Variants in DLGAP5 observed in about 807,000 individuals in gnomAD.
DLGAP5 encodes the protein DLG associated protein 5, also known as disks large-associated protein 5.
A neutral mutation model predicts 99.6 loss-of-function variants in DLGAP5; 90 were observed. The observed-to-expected ratio is 0.90, with a 90% CI of 0.76 to 1.08. The LOEUF is 1.08. Among genes scored for constraint, DLGAP5 ranks in the 50% least tolerant of loss-of-function variants. The pLI, the probability that DLGAP5 is intolerant of heterozygous loss-of-function variation, is 0.00. For synonymous variants in DLGAP5, 311 were observed against 321.3 expected (o/e 0.97, Z 0.34); for missense variants, 1,036 against 983.5 (o/e 1.05, Z -0.71).
intron 18 of DLGAP5, 112 bp downstream of exon 18, chr14:55,150,687 C>A: frequency 1.2e-6 from 1 of 817,592 alleles, no homozygotes; most frequent in Non-Finnish European, 1.8e-6. Flanking sequence ...AGTGAGTAAG[C>A]AAAACAATGA....
chr14:55,179,314 A>T (rs74050932), intron 7 of DLGAP5, among the ~76,000 whole-genome samples: 12,548 of 152,238 alleles, frequency 0.082, 1,389 homozygotes, highest in African/African-American at 0.25. Context: ...AAATGAATCC[A>T]AAGTCAATGC....
chr14:55,175,550 A>T, intron 9 of DLGAP5, 78 bp from the exon 10 acceptor site: 1 of 922,886 alleles, frequency 1.1e-6, no homozygotes, highest in Non-Finnish European at 1.6e-6. Flanking sequence ...AAGACATTTT[A>T]AAAATCCTTT....
intron 18 of DLGAP5, among the ~76,000 whole-genome samples, chr14:55,149,979 G>A (rs981069822): frequency 2.6e-5 from 4 of 151,656 alleles, no homozygotes; most frequent in Non-Finnish European, 5.9e-5. Flanking sequence ...CTTGAACCCA[G>A]GAGGCAGAGG....
At position 55,183,768 on chromosome 14, in the gene DLGAP5, A is replaced by T. The variant is rs745995812; in HGVS notation, c.239-15T>A. Reference sequence around the variant, plus strand: ...TTTCATTGCCCCTAGGCAGAAAAAAAACCAAAACCACACAGTATATAAAAC... The same window carrying T: ...TTTCATTGCCCCTAGGCAGAAAAAATACCAAAACCACACAGTATATAAAAC... On this transcript the variant is annotated splice_polypyrimidine_tract_variant and intron_variant, in intron 2 of 18. Transcript: ENST00000247191. 1.9e-6 allele frequency: 3 copies of T among 1,544,222 alleles called. No homozygotes were observed. In the East Asian group the frequency reaches 6.9e-5, roughly 35 times the overall value.
In DLGAP5 at chr14:55,158,567, C is replaced by T. The variant is rs766110350; in HGVS notation, c.1828G>A (p.Asp610Asn). 1.4e-5 allele frequency: 23 copies of T among 1,613,948 alleles called. 1 individual carries two copies. The highest frequency in any genetic ancestry group is 1.3e-4 in the Admixed American group (8 of 59,994). The change falls in exon 14 of 19, where the codon GAT becomes AAT. Residue 610 changes from aspartate (D) to asparagine (N), a missense_variant. Transcript: ENST00000247191. ...CTTTCAACTCTGAAAAATCCAGCAT[C>T]GAACACTATTTTATCAACTTCCTTT... Reference protein sequence around the residue: ...IPKEVDKIVFDAGFFRVESPV... With the variant: ...IPKEVDKIVFNAGFFRVESPV...
chr14:55,150,052 CA>C (rs559049001), intron 18 of DLGAP5, among the ~76,000 whole-genome samples: 15,912 of 93,216 alleles, frequency 0.17, 1,850 homozygotes, highest in African/African-American at 0.39. Flanking sequence ...AACTCTGTCT[CA>C]AAAAAAAAAA....
chr14:55,158,798 C>T, intron 13 of DLGAP5, 57 bp from the exon 14 acceptor site: 4 of 1,203,120 alleles, frequency 3.3e-6, no homozygotes, highest in Non-Finnish European at 4.8e-6. Context: ...AAGAAAAACA[C>T]ACAACAAACA....
intron 8 of DLGAP5, among the ~76,000 whole-genome samples, 159 bp downstream of exon 8, chr14:55,176,903 G>A (rs1046825185): frequency 1.5e-4 from 23 of 149,942 alleles, no homozygotes; most frequent in Admixed American, 1.3e-3. Flanking sequence ...GCGTGAACCC[G>A]GGTGGCGGAG....
chr14:55,170,866 A>G (rs1017030875), intron 10 of DLGAP5, 79 bp from the exon 11 acceptor site: 14 of 1,000,736 alleles, frequency 1.4e-5, no homozygotes, highest in Non-Finnish European at 1.7e-5. Flanking sequence ...ATCATGATAC[A>G]TAACATTAGG....
intron 12 of DLGAP5, among the ~76,000 whole-genome samples, chr14:55,169,102 G>T (rs1025655303): frequency 6.7e-6 from 1 of 148,972 alleles, no homozygotes; most frequent in Non-Finnish European, 1.5e-5. Flanking sequence ...TGTGAACCTG[G>T]GGGGCAGAGA....
chr14:55,151,904 G>T lies in DLGAP5; in HGVS notation c.2159C>A (p.Ser720Tyr). The T allele has an allele frequency of 6.2e-7, 1 of 1,613,732 alleles. No individual in the cohort carries two copies. The highest frequency in any genetic ancestry group is 8.5e-7 in the Non-Finnish European group (1 of 1,179,882). The change falls in exon 17 of 19, where the codon TCC (serine) becomes TAC (tyrosine). Residue 720 changes from serine to tyrosine, a missense_variant. Physicochemically the swap from Ser to Tyr is moderately radical, Grantham distance 144 (BLOSUM62 -2). Coordinates refer to ENST00000247191, the MANE Select transcript of DLGAP5 (RefSeq NM_014750.5). ...AAGAGGCAAACTCATTCTCTCACTG[G>T]ATAAACAATCCACCTTCAAGTCTGT... ...NKTDLKVDCLSSERMSLPLLA... is the reference protein window; with the variant it reads ...NKTDLKVDCLYSERMSLPLLA...
Position 55,188,958 on chromosome 14 carries a change from C to T in DLGAP5, c.222G>A (p.Lys74=). The T allele has an allele frequency of 1.2e-6, 2 of 1,612,920 alleles. No individual in the cohort carries two copies. The highest frequency in any genetic ancestry group is 1.7e-6 in the Non-Finnish European group (2 of 1,179,744). The stretch of plus-strand genomic sequence containing the variant: ...TTTACTTACTTGGCTTAACATTGGT[C>T]TTTTCTGGAACAAGCCCTTGAGATG... ...DETSQGLVPE[K]TNVKPRAMKT... is the part of the protein sequence containing the mutation. Residue 74 remains lysine, a synonymous_variant, in exon 2 of 19, where the codon AAG becomes AAA. Coordinates refer to ENST00000247191, the MANE Select transcript of DLGAP5 (RefSeq NM_014750.5).
rs138214529 is a variant in DLGAP5, at chr14:55,158,782, T to C, written c.1654-41A>G. On this transcript the variant is annotated intron_variant, in intron 13 of 18. Transcript: ENST00000247191. Reference sequence around the variant, plus strand: ...AACATAGTAAAGCTGCCCATTACCATCTTACAAGAAAAACACACAACAAAC... The same window carrying C: ...AACATAGTAAAGCTGCCCATTACCACCTTACAAGAAAAACACACAACAAAC... The C allele has an allele frequency of 3.8e-5, 55 of 1,447,856 alleles. No individual in the cohort carries two copies. The East Asian group carries it at 1.2e-3, about 33-fold the overall frequency. The allele number at this position is 1,447,856 out of a possible 1,614,324, so 89.7% of individuals were successfully genotyped here.
In DLGAP5 at chr14:55,175,441, A is replaced by T; in HGVS notation, c.1206T>A (p.Thr402=). 7.1e-7 allele frequency: 1 copy of T among 1,406,978 alleles called. No homozygotes were observed. The highest frequency in any genetic ancestry group is 1.2e-5 in the South Asian group (1 of 81,634). 87.2% of individuals were successfully genotyped at this position (1,406,978 alleles called of 1,614,324 possible). A position where few individuals can be genotyped will look rare whatever the true frequency, so the allele number is the denominator to read the frequency against. ...TTATTGGAAGGCCATTTAAATTTTTAGTAGTAGCTTCATTTTTATTTAAAA... is the reference window on the plus strand; with the variant it reads ...TTATTGGAAGGCCATTTAAATTTTTTGTAGTAGCTTCATTTTTATTTAAAA... ...EHVLNKNEAT[T]KNLNGLPIKE... The change falls in exon 10 of 19, where the codon ACT becomes ACA. Residue 402 remains threonine (T), a synonymous_variant. Coordinates refer to ENST00000247191, the MANE Select transcript of DLGAP5 (RefSeq NM_014750.5).
intron 7 of DLGAP5, among the ~76,000 whole-genome samples, 189 bp downstream of exon 7, chr14:55,179,440 A>C (rs1594681051): frequency 6.6e-6 from 1 of 152,218 alleles, no homozygotes. Flanking sequence ...CTACCTATAA[A>C]GCTCTGAAAA....
rs141951673 is a variant in DLGAP5 at position 55,157,907 on chromosome 14, C to A, written c.1873+615G>T. Among the ~76,000 whole-genome samples, 204 of 152,328 alleles carry A rather than the reference C, an allele frequency of 1.3e-3. 6 individuals carry two copies. The East Asian group carries it at 0.018, about 14-fold the overall frequency. Reference sequence around the variant, plus strand: ...CCTCCCAAGTAGGTGGGACTACAGGCATGTACTGCCAGGCTCGGTTAATAT... The same window carrying A: ...CCTCCCAAGTAGGTGGGACTACAGGAATGTACTGCCAGGCTCGGTTAATAT... On this transcript the variant is annotated intron_variant, in intron 14 of 18. Coordinates refer to ENST00000247191, the MANE Select transcript of DLGAP5 (RefSeq NM_014750.5).
intron 15 of DLGAP5, 121 bp from the exon 16 acceptor site, chr14:55,152,768 G>T: frequency 3.8e-6 from 3 of 782,786 alleles, no homozygotes; most frequent in Non-Finnish European, 5.7e-6. Flanking sequence ...ATGGAGCCTG[G>T]TGCAAGATCA....
chr14:55,153,000 A>G (rs187360690), intron 15 of DLGAP5, among the ~76,000 whole-genome samples: 7 of 152,220 alleles, frequency 4.6e-5, no homozygotes, highest in Non-Finnish European at 1.0e-4. Flanking sequence ...CAACAATTCA[A>G]TTATTGTCTA....
intron 12 of DLGAP5, among the ~76,000 whole-genome samples, chr14:55,164,921 C>CA (rs764017142): frequency 0.022 from 872 of 39,010 alleles, 9 homozygotes; most frequent in Middle Eastern, 0.082. Flanking sequence ...GACTCTGTCT[C>CA]AAAAAAAAAA....
Sources: allele counts gnomAD v4.1 joint callset (sites outside exome capture counted in the v4.1 genomes callset), GRCh38; gene constraint gnomAD v4.1.1; transcripts MANE v1.5; gene names NCBI Gene and HGNC (gene_info 2026-07-23, HGNC 2026-07-21).